The following SPMIP9 variants were observed in gnomAD, a reference collection of about 807,000 sequenced individuals.
The protein encoded by SPMIP9 is protein SPMIP9.
the SPMIP9 span, chr2:88,528,955 T>TA: frequency 7.8e-7 from 1 of 1,278,450 alleles, no homozygotes; most frequent in Non-Finnish European, 1.1e-6. Context: ...TTTGAAAAAA[T>TA]AAAGAAGGGT....
the SPMIP9 span, among the ~76,000 whole-genome samples, chr2:88,527,446 C>T: frequency 1.3e-5 from 2 of 152,000 alleles, no homozygotes; most frequent in African/African-American, 4.8e-5. Flanking sequence ...TCTATCCCCC[C>T]CAAAAAAATC....
chr2:88,525,321 T>G, the SPMIP9 span, among the ~76,000 whole-genome samples: 1 of 152,218 alleles, frequency 6.6e-6, no homozygotes, highest in Non-Finnish European at 1.5e-5. Context: ...AACATGGTTG[T>G]TAAACATTTA....
At chr2:88,529,358 G>A in the SPMIP9 span, 2 of 1,614,074 alleles carry the variant, frequency 1.2e-6, no homozygotes, top group Non-Finnish European at 8.5e-7. Context: ...ACACCAGCCT[G>A]CTGCAGAGAT....
At chr2:88,525,800 T>G in the SPMIP9 span, 3 of 827,224 alleles carry the variant, frequency 3.6e-6, no homozygotes, top group Admixed American at 2.5e-5. Flanking sequence ...TTTGTGGGTT[T>G]TTTTTTTTTT....
chr2:88,525,497 A>G, the SPMIP9 span: 4 of 856,920 alleles, frequency 4.7e-6, no homozygotes, highest in Non-Finnish European at 8.0e-6. Context: ...AGTGACATGC[A>G]GGGTAGGAGC....
chr2:88,529,037 G>T, the SPMIP9 span: 1 of 1,602,816 alleles, frequency 6.2e-7, no homozygotes, highest in Non-Finnish European at 8.5e-7. Flanking sequence ...ATTCATGTGT[G>T]ATTTGTTTCC....
the SPMIP9 span, chr2:88,525,593 T>G: frequency 6.2e-7 from 1 of 1,613,010 alleles, no homozygotes; most frequent in Non-Finnish European, 8.5e-7. Context: ...CTACTTTCCT[T>G]GTCTGTGGCA....
chr2:88,529,296 A>AC, the SPMIP9 span: 11 of 1,613,950 alleles, frequency 6.8e-6, no homozygotes, highest in African/African-American at 6.7e-5. Flanking sequence ...GCCCAGGGTG[A>AC]CCCCAACCAG....
chr2:88,529,392 C>CA, the SPMIP9 span: 1 of 1,614,102 alleles, frequency 6.2e-7, no homozygotes, highest in African/African-American at 1.3e-5. Flanking sequence ...CTGCTACTGC[C>CA]AGGGTGTCCC....
the SPMIP9 span, among the ~76,000 whole-genome samples, chr2:88,527,071 A>G: frequency 3.9e-5 from 6 of 152,178 alleles, no homozygotes; most frequent in Non-Finnish European, 8.8e-5. Context: ...CGATGTAACC[A>G]TTACAGACCG....
chr2:88,529,537 G>A, the SPMIP9 span: 24 of 1,375,082 alleles, frequency 1.7e-5, no homozygotes, highest in Admixed American at 4.7e-4. Context: ...TGACCTTGGA[G>A]TGCAGAGAGG....
chr2:88,526,635 C>G, the SPMIP9 span: 3 of 701,186 alleles, frequency 4.3e-6, no homozygotes, highest in Non-Finnish European at 7.6e-6. Flanking sequence ...ACTTAGAGAT[C>G]TTTTCTGTGC....
chr2:88,527,283 C>T, the SPMIP9 span, among the ~76,000 whole-genome samples: 3 of 152,016 alleles, frequency 2.0e-5, no homozygotes, highest in African/African-American at 7.2e-5. Flanking sequence ...AGTTTGAGGC[C>T]AGCAGTTCGA....
the SPMIP9 span, among the ~76,000 whole-genome samples, chr2:88,526,151 G>A: frequency 6.6e-6 from 1 of 152,106 alleles, no homozygotes; most frequent in African/African-American, 2.4e-5. Context: ...CTGTGAGGAG[G>A]GCAACTTGCA....
At chr2:88,525,703 G>T in the SPMIP9 span, 63 of 1,613,338 alleles carry the variant, frequency 3.9e-5, no homozygotes, top group Non-Finnish European at 5.3e-5. Flanking sequence ...CCCCTGTGAC[G>T]GTCTCAGGGT....
the SPMIP9 span, chr2:88,529,444 G>C: frequency 3.7e-6 from 6 of 1,613,556 alleles, no homozygotes; most frequent in Non-Finnish European, 5.1e-6. Flanking sequence ...TCTTGAACCG[G>C]TGGGGACCCT....
At chr2:88,529,120 G>C in the SPMIP9 span, 18 of 1,613,972 alleles carry the variant, frequency 1.1e-5, no homozygotes, top group Non-Finnish European at 1.5e-5. Flanking sequence ...CCAACCCCAA[G>C]CTAACAGATG....
chr2:88,528,045 T>A, the SPMIP9 span, among the ~76,000 whole-genome samples: 1 of 152,162 alleles, frequency 6.6e-6, no homozygotes, highest in African/African-American at 2.4e-5. Context: ...TTATAAAATG[T>A]CTGTTTATGT....
At chr2:88,527,061 C>T in the SPMIP9 span, among the ~76,000 whole-genome samples, 2 of 152,044 alleles carry the variant, frequency 1.3e-5, no homozygotes, top group African/African-American at 4.8e-5. Context: ...TGATAAACAC[C>T]GATGTAACCA....
Sources: allele counts gnomAD v4.1 joint callset (sites outside exome capture counted in the v4.1 genomes callset), GRCh38; gene constraint gnomAD v4.1.1; transcripts MANE v1.5; gene names NCBI Gene and HGNC (gene_info 2026-07-23, HGNC 2026-07-21).